The following RBFOX1 variants were observed in gnomAD, a reference collection of about 807,000 sequenced individuals.
RBFOX1 encodes the protein RNA binding protein fox-1 homolog 1.
RBFOX1 carries 8 observed loss-of-function variants against 57.7 expected under a neutral mutation model. The observed-to-expected ratio is 0.14, with a 90% CI of 0.08 to 0.25. RBFOX1 has a LOEUF of 0.25. RBFOX1 is among the 10% of genes least tolerant of loss of function. The pLI is 1.00. For missense variants in RBFOX1, 611 were observed against 548.5 expected (o/e 1.11, Z -1.14); for synonymous variants, 326 against 222.4 (o/e 1.47, Z -4.15).
At chr16:6,561,500 T>C (rs183474296) in intron 2 of RBFOX1, among the ~76,000 whole-genome samples, 3 of 152,204 alleles carry the variant, frequency 2.0e-5, no homozygotes, top group South Asian at 4.1e-4. Flanking sequence ...GGCTGACTTA[T>C]GGATATGGGT....
intron 1 of RBFOX1, among the ~76,000 whole-genome samples, chr16:5,462,164 C>A (rs1468912277): frequency 2.0e-5 from 2 of 101,096 alleles, no homozygotes; most frequent in South Asian, 3.1e-4. Context: ...TTCTTTCTTT[C>A]TTTCTTTTTT....
intron 3 of RBFOX1, among the ~76,000 whole-genome samples, chr16:6,784,053 T>A (rs1031294964): frequency 6.6e-6 from 1 of 152,144 alleles, no homozygotes; most frequent in Non-Finnish European, 1.5e-5. Flanking sequence ...TTTCTCCTGC[T>A]ACTCTTAGGG....
intron 4 of RBFOX1, among the ~76,000 whole-genome samples, chr16:5,943,965 A>ACC (rs61534401): frequency 2.0e-4 from 27 of 136,056 alleles, no homozygotes; most frequent in African/African-American, 7.6e-4. Flanking sequence ...CCATCCATCC[A>ACC]CCCCCCCACC....
intron 2 of RBFOX1, among the ~76,000 whole-genome samples, chr16:6,420,986 C>T (rs2093756094): frequency 6.6e-6 from 1 of 152,190 alleles, no homozygotes; most frequent in Non-Finnish European, 1.5e-5. Context: ...CTTGTTGCAG[C>T]GTGAACATCT....
intron 14 of RBFOX1, among the ~76,000 whole-genome samples, chr16:7,685,333 C>G (rs937072099): frequency 3.3e-5 from 5 of 152,148 alleles, no homozygotes; most frequent in Admixed American, 2.0e-4. Context: ...TAAGAACTAT[C>G]AACAGCTGAG....
chr16:6,138,862 G>A (rs376558805), intron 1 of RBFOX1, among the ~76,000 whole-genome samples: 50 of 152,142 alleles, frequency 3.3e-4, no homozygotes, highest in African/African-American at 1.0e-3. Context: ...GTGAGGCTCC[G>A]TCTCAAATAA....
At chr16:5,606,504 A>G (rs1412157873) in intron 3 of RBFOX1, among the ~76,000 whole-genome samples, 1 of 149,604 alleles carries the variant, frequency 6.7e-6, no homozygotes, top group Admixed American at 6.7e-5. Flanking sequence ...TCTCTCCCTC[A>G]CTTCTCATCT....
chr16:6,065,245 G>T (rs58352128), intron 1 of RBFOX1, among the ~76,000 whole-genome samples: 1 of 148,216 alleles, frequency 6.7e-6, no homozygotes, highest in East Asian at 2.0e-4. Context: ...GTGTTGCCAC[G>T]GCTGGTCTCA....
intron 1 of RBFOX1, among the ~76,000 whole-genome samples, chr16:5,401,537 T>C (rs1256722595): frequency 1.3e-5 from 2 of 152,198 alleles, no homozygotes; most frequent in African/African-American, 4.8e-5. Context: ...CTTGTCTGTT[T>C]CTTAATGCAG....
Position 7,364,108 on chromosome 16 carries a change from T to A in RBFOX1, c.28-154039T>A, listed in dbSNP as rs887766463. 1.5e-4 allele frequency among the ~76,000 whole-genome samples: 23 copies of A among 152,204 alleles called. 1 individual carries two copies. The highest frequency in any genetic ancestry group is 8.8e-5 in the Non-Finnish European group (6 of 68,044). ...CATCTTTTCAAAGCATTTTAAAGAT[T>A]AGGAATCCATCTCTCCCTGTCTGTT... On this transcript the variant is annotated intron_variant, in intron 4 of 15. Coordinates refer to ENST00000550418, the MANE Select transcript of RBFOX1 (RefSeq NM_018723.4).
At chr16:5,939,410 C>T (rs541846778) in intron 4 of RBFOX1, among the ~76,000 whole-genome samples, 1 of 152,208 alleles carries the variant, frequency 6.6e-6, no homozygotes, top group Non-Finnish European at 1.5e-5. Context: ...ATCTGAAGGT[C>T]TGACTGGGAC....
chr16:6,963,262 C>T (rs573619094), intron 3 of RBFOX1, among the ~76,000 whole-genome samples: 1 of 152,176 alleles, frequency 6.6e-6, no homozygotes, highest in South Asian at 2.1e-4. Context: ...AAAAGCTAGC[C>T]CATCTTAGGG....
At chr16:6,414,798 G>T (rs1279872315) in intron 2 of RBFOX1, among the ~76,000 whole-genome samples, 3 of 152,172 alleles carry the variant, frequency 2.0e-5, no homozygotes, top group Admixed American at 6.5e-5. Flanking sequence ...GGCAATGTCT[G>T]TCTTGAGACA....
intron 4 of RBFOX1, among the ~76,000 whole-genome samples, chr16:7,478,562 G>C (rs2063211935): frequency 6.6e-6 from 1 of 152,156 alleles, no homozygotes; most frequent in Non-Finnish European, 1.5e-5. Context: ...CCTTGATGCT[G>C]GGCATTGGCA....
In RBFOX1 at chr16:6,019,263, C is replaced by G. The variant is rs2095023416; in HGVS notation, c.-856C>G. On this transcript the variant is annotated 5_prime_UTR_variant, in exon 1 of 16. Transcript: ENST00000550418. This position sits in a 1 kb window ranked among gnomAD's most constrained non-coding sequence, Gnocchi z 4.2. ...CACCGCTCCCTCGATCACCCCAGCCCCCTTCCTGGTCTCCCGAGCGCGGGG... is the reference window on the plus strand; with the variant it reads ...CACCGCTCCCTCGATCACCCCAGCCGCCTTCCTGGTCTCCCGAGCGCGGGG... 2.0e-6 allele frequency: 2 copies of G among 985,376 alleles called. No individual in the cohort carries two copies. Among genetic ancestry groups the G allele is most frequent in the Non-Finnish European group, 2.4e-6 (2 of 830,102 alleles). The allele number at this position is 985,376 out of a possible 1,614,324, so 61.0% of individuals were successfully genotyped here.
At chr16:5,994,191 T>G (rs1189869495) in intron 4 of RBFOX1, among the ~76,000 whole-genome samples, 1 of 152,238 alleles carries the variant, frequency 6.6e-6, no homozygotes, top group South Asian at 2.1e-4. Flanking sequence ...AGACAGAGTC[T>G]TGCTCTGTCA....
At position 6,747,440 on chromosome 16, in the gene RBFOX1, C is replaced by T. The variant is rs568589633; in HGVS notation, c.-16+92790C>T. 4.4e-4 allele frequency among the ~76,000 whole-genome samples: 60 copies of T among 135,672 alleles called. 1 individual carries two copies. In the South Asian group the frequency reaches 6.5e-3, roughly 15 times the overall value. The allele number at this position is 135,672 out of a possible 152,430, so 89.0% of individuals were successfully genotyped here. The stretch of plus-strand genomic sequence containing the variant: ...AAAAAAAATCTATCAGTCAGTCAGT[C>T]AGTTAGTCTGTCTGTCTGTCTGTCT... On this transcript the variant is annotated intron_variant, in intron 3 of 15. Coordinates refer to ENST00000550418, the MANE Select transcript of RBFOX1 (RefSeq NM_018723.4).
At chr16:5,906,046 G>T (rs866944543) in intron 4 of RBFOX1, among the ~76,000 whole-genome samples, 1 of 152,176 alleles carries the variant, frequency 6.6e-6, no homozygotes, top group Admixed American at 6.5e-5. Flanking sequence ...TTGGCTGTGA[G>T]TGGGGGTAGT....
chr16:5,600,576 C>A (rs1307902542), downstream of RBFOX1, among the ~76,000 whole-genome samples: 1 of 151,754 alleles, frequency 6.6e-6, no homozygotes, highest in Non-Finnish European at 1.5e-5. Flanking sequence ...CCTCTTTATG[C>A]ACCAAGCTAT....
Sources: gnomAD v4.1 joint callset for allele counts (sites outside exome capture counted in the v4.1 genomes callset) on GRCh38, gnomAD v4.1.1 for gene constraint, Gnocchi (gnomAD v3.1) non-coding constraint, MANE v1.5 for transcripts, NCBI Gene and HGNC (gene_info 2026-07-23, HGNC 2026-07-21) for gene names.